Variants in WWOX observed in about 807,000 individuals in gnomAD.
WWOX encodes WW domain containing oxidoreductase, also known as WW domain-containing oxidoreductase.
In WWOX, 69 loss-of-function variants were observed where a neutral mutation model predicts 46.2. The ratio of observed to expected loss-of-function variants is 1.49; its 90% CI spans 1.23 to 1.82. The LOEUF (loss-of-function observed/expected upper bound fraction) is 1.82, where lower values mean the gene tolerates loss of function less well. Ranked by LOEUF, WWOX falls within the 40% of genes most tolerant of loss-of-function variation. The pLI is 0.00. For missense variants in WWOX, 919 were observed against 542.6 expected, an observed-to-expected ratio of 1.69 and a Z score of -6.89; for synonymous variants, 359 against 202.6, an observed-to-expected ratio of 1.77 and a Z score of -6.56.
At chr16:78,383,215 G>T (rs1299001264) in intron 5 of WWOX, among the ~76,000 whole-genome samples, 1 of 151,978 alleles carries the variant, frequency 6.6e-6, no homozygotes, top group Non-Finnish European at 1.5e-5. Context: ...ACCACATCAG[G>T]TGACATCCCA....
chr16:78,393,835 G>A lies in WWOX; in HGVS notation c.605+6887G>A, dbSNP rs148681345. Among the ~76,000 whole-genome samples the A allele has an allele frequency of 1.7e-4, 26 of 151,354 alleles. No individual in the cohort carries two copies. The East Asian group carries it at 4.3e-3, about 25-fold the overall frequency. ...CTCACTTAGAAGATAATATAGAACA[G>A]TGGTGTTTTTTTAATTAAAAAAAAG... On this transcript the variant is annotated intron_variant, in intron 6 of 8. Coordinates refer to ENST00000566780, the MANE Select transcript of WWOX (RefSeq NM_016373.4).
At chr16:78,690,415 G>A (rs1016522271) in intron 8 of WWOX, among the ~76,000 whole-genome samples, 4 of 152,064 alleles carry the variant, frequency 2.6e-5, no homozygotes, top group Admixed American at 6.6e-5. Flanking sequence ...AGCCAGGTGC[G>A]GAGGCATTCA....
At chr16:78,944,820 C>G (rs1215464614) in intron 8 of WWOX, among the ~76,000 whole-genome samples, 1 of 152,104 alleles carries the variant, frequency 6.6e-6, no homozygotes, top group African/African-American at 2.4e-5. Context: ...TTGACATTCC[C>G]ACATAGCTGC....
chr16:78,720,512 T>G (rs144336306), intron 8 of WWOX, among the ~76,000 whole-genome samples: 2 of 151,672 alleles, frequency 1.3e-5, no homozygotes, highest in African/African-American at 4.8e-5. Context: ...GAAAAAATCC[T>G]TAGGACCCAG....
intron 8 of WWOX, among the ~76,000 whole-genome samples, chr16:78,778,322 G>C (rs147863933): frequency 1.3e-5 from 2 of 152,296 alleles, no homozygotes; most frequent in African/African-American, 4.8e-5. Context: ...GTCCACGCTT[G>C]GGTGGAAGGC....
intron 8 of WWOX, among the ~76,000 whole-genome samples, chr16:79,187,541 C>T (rs2051041732): frequency 6.6e-6 from 1 of 152,184 alleles, no homozygotes; most frequent in African/African-American, 2.4e-5. Flanking sequence ...GCTGGGACTA[C>T]AGGCCCCTCC....
At chr16:78,916,873 A>T (rs1399991632) in intron 8 of WWOX, among the ~76,000 whole-genome samples, 1 of 152,194 alleles carries the variant, frequency 6.6e-6, no homozygotes, top group Non-Finnish European at 1.5e-5. Context: ...TGTTCATTCA[A>T]ACAGGCTTAA....
chr16:78,829,162 A>T (rs2051744495), intron 8 of WWOX, among the ~76,000 whole-genome samples: 1 of 152,214 alleles, frequency 6.6e-6, no homozygotes, highest in Non-Finnish European at 1.5e-5. Context: ...GCAGACAGAT[A>T]GCTAGACAGA....
At chr16:78,543,378 T>C (rs1012464731) in intron 8 of WWOX, among the ~76,000 whole-genome samples, 1 of 152,192 alleles carries the variant, frequency 6.6e-6, no homozygotes, top group African/African-American at 2.4e-5. Flanking sequence ...ACACTATGGA[T>C]TTTTACTACA....
intron 8 of WWOX, among the ~76,000 whole-genome samples, chr16:78,931,263 G>A (rs1274109801): frequency 6.6e-6 from 1 of 152,152 alleles, no homozygotes; most frequent in Non-Finnish European, 1.5e-5. Flanking sequence ...GGGAACGCAG[G>A]TCAGCATGCT....
chr16:79,130,704 G>C (rs2049859321), intron 8 of WWOX, among the ~76,000 whole-genome samples: 1 of 152,250 alleles, frequency 6.6e-6, no homozygotes, highest in Admixed American at 6.5e-5. Flanking sequence ...CTAATGAAGT[G>C]CTGCGGTACT....
intron 5 of WWOX, among the ~76,000 whole-genome samples, chr16:78,235,309 T>C (rs752180830): frequency 6.6e-6 from 1 of 152,162 alleles, no homozygotes; most frequent in Non-Finnish European, 1.5e-5. Flanking sequence ...GGAGAGGATG[T>C]GTCACTTTGC....
intron 5 of WWOX, among the ~76,000 whole-genome samples, chr16:78,313,363 GTTTTTC>G (rs2080286601): frequency 6.6e-6 from 1 of 152,092 alleles, no homozygotes; most frequent in Admixed American, 6.6e-5. Context: ...GTGTTTCGTT[GTTTTTC>G]TTTTTTCTTT....
chr16:78,337,084 G>C (rs2080909117), intron 5 of WWOX, among the ~76,000 whole-genome samples: 1 of 152,072 alleles, frequency 6.6e-6, no homozygotes, highest in Non-Finnish European at 1.5e-5. Context: ...CCTGACCCTA[G>C]GATAATCTTA....
intron 8 of WWOX, among the ~76,000 whole-genome samples, chr16:78,530,643 G>A (rs1248596324): frequency 1.3e-5 from 2 of 152,142 alleles, no homozygotes; most frequent in East Asian, 3.9e-4. Context: ...GAAAAACAGG[G>A]ATATATGTTC....
chr16:79,024,583 A>G (rs900922110), intron 8 of WWOX, among the ~76,000 whole-genome samples: 3 of 151,904 alleles, frequency 2.0e-5, no homozygotes, highest in Non-Finnish European at 2.9e-5. Context: ...ACAGGCACCC[A>G]CCACCATGCC....
chr16:78,224,329 C>CAA (rs1468199031), intron 5 of WWOX, among the ~76,000 whole-genome samples: 1 of 151,356 alleles, frequency 6.6e-6, no homozygotes, highest in Non-Finnish European at 1.5e-5. Flanking sequence ...TTAAGTGGAA[C>CAA]AAGTCATTTT....
intron 8 of WWOX, among the ~76,000 whole-genome samples, chr16:78,634,078 A>G (rs1375999005): frequency 1.3e-5 from 2 of 152,152 alleles, no homozygotes; most frequent in Non-Finnish European, 2.9e-5. Flanking sequence ...TCTTGAACCC[A>G]GAGAAGGTGC....
intron 8 of WWOX, among the ~76,000 whole-genome samples, chr16:79,024,769 A>ACCTTGTTTT (rs1241871306): frequency 6.6e-6 from 1 of 152,120 alleles, no homozygotes; most frequent in African/African-American, 2.4e-5. Flanking sequence ...ACAGGGTCTC[A>ACCTTGTTTT]CCTTGTTTTC....
Sources: allele counts gnomAD v4.1 joint callset (sites outside exome capture counted in the v4.1 genomes callset), GRCh38; gene constraint gnomAD v4.1.1; transcripts MANE v1.5; gene names NCBI Gene and HGNC (gene_info 2026-07-23, HGNC 2026-07-21).